Variants in RIGI observed in about 807,000 individuals in gnomAD.
The protein encoded by RIGI is antiviral innate immune response receptor RIG-I.
the RIGI span, among the ~76,000 whole-genome samples, chr9:32,477,396 G>T: frequency 1.7e-3 from 258 of 152,180 alleles, no homozygotes; most frequent in Non-Finnish European, 2.3e-3. Flanking sequence ...TATGGAAGAG[G>T]TCTCCAAGGA....
At chr9:32,516,346 C>A in the RIGI span, among the ~76,000 whole-genome samples, 1 of 152,330 alleles carries the variant, frequency 6.6e-6, no homozygotes, top group African/African-American at 2.4e-5. Flanking sequence ...CCTGGCAATA[C>A]TTGTTGTCTC....
At chr9:32,462,412 T>C in the RIGI span, among the ~76,000 whole-genome samples, 1 of 145,564 alleles carries the variant, frequency 6.9e-6, no homozygotes, top group East Asian at 2.0e-4. Context: ...AGCTTTTTTT[T>C]TTTTTTTTTT....
chr9:32,498,276 T>C, the RIGI span: 1 of 456,582 alleles, frequency 2.2e-6, no homozygotes, highest in Non-Finnish European at 4.4e-6. Context: ...CTGCCAGTTT[T>C]TGAACATGGG....
At chr9:32,488,271 T>C in the RIGI span, 1 of 1,521,104 alleles carries the variant, frequency 6.6e-7, no homozygotes. Context: ...GATGAAATGC[T>C]AGATCAGAAC....
At chr9:32,521,114 T>C in the RIGI span, among the ~76,000 whole-genome samples, 1 of 105,182 alleles carries the variant, frequency 9.5e-6, no homozygotes, top group Non-Finnish European at 1.8e-5. Flanking sequence ...CACTGTAGCC[T>C]GGGCAACAGA....
chr9:32,495,265 G>A, the RIGI span, among the ~76,000 whole-genome samples: 5 of 152,086 alleles, frequency 3.3e-5, no homozygotes, highest in East Asian at 1.9e-4. Context: ...GCAGTGGCAC[G>A]ATCTCGGCTC....
At chr9:32,480,402 T>C in the RIGI span, 2 of 1,506,308 alleles carry the variant, frequency 1.3e-6, no homozygotes, top group Non-Finnish European at 1.8e-6. Context: ...GTCTAACACA[T>C]TCACTGTATT....
At chr9:32,456,150 G>A in the RIGI span, 25 of 152,308 alleles carry the variant, frequency 1.6e-4, no homozygotes, top group Non-Finnish European at 2.8e-4. Context: ...AGGGATCTGA[G>A]AACAGACATT....
chr9:32,508,246 T>TTTTTTC, the RIGI span, among the ~76,000 whole-genome samples: 1 of 133,686 alleles, frequency 7.5e-6, no homozygotes, highest in African/African-American at 2.8e-5. Context: ...TTAATTTTTT[T>TTTTTTC]TTTTTTTTTT....
At chr9:32,469,865 A>T in the RIGI span, among the ~76,000 whole-genome samples, 1 of 148,448 alleles carries the variant, frequency 6.7e-6, no homozygotes, top group African/African-American at 2.5e-5. Context: ...GAATCACCTG[A>T]TCTCCACTCA....
chr9:32,466,176 A>C, the RIGI span: 3 of 1,084,722 alleles, frequency 2.8e-6, no homozygotes, highest in Non-Finnish European at 4.0e-6. Context: ...CTAAGTATAA[A>C]CTTTTTGTTG....
At chr9:32,470,600 C>T in the RIGI span, among the ~76,000 whole-genome samples, 397 of 152,248 alleles carry the variant, frequency 2.6e-3, 2 homozygotes, top group Middle Eastern at 0.01. Context: ...CATTAACCCT[C>T]TCAGCTAGGT....
chr9:32,486,071 C>T, the RIGI span, among the ~76,000 whole-genome samples: 1 of 152,162 alleles, frequency 6.6e-6, no homozygotes, highest in South Asian at 2.1e-4. Context: ...GTTGAAAGAA[C>T]ACACTTCATG....
chr9:32,505,088 AAT>A, the RIGI span, among the ~76,000 whole-genome samples: 5 of 145,430 alleles, frequency 3.4e-5, no homozygotes, highest in Non-Finnish European at 7.5e-5. Context: ...TTAAATATAT[AAT>A]AGATACAATA....
the RIGI span, among the ~76,000 whole-genome samples, chr9:32,490,815 CTG>C: frequency 6.6e-6 from 1 of 152,226 alleles, no homozygotes; most frequent in Non-Finnish European, 1.5e-5. Flanking sequence ...CCTCAGTGCA[CTG>C]TGTTGCAAAC....
chr9:32,474,862 A>G, the RIGI span, among the ~76,000 whole-genome samples: 1 of 152,234 alleles, frequency 6.6e-6, no homozygotes, highest in Non-Finnish European at 1.5e-5. Flanking sequence ...GAAGCCATAT[A>G]TAAATAAAGA....
chr9:32,485,300 A>G, the RIGI span: 1 of 1,485,010 alleles, frequency 6.7e-7, no homozygotes, highest in South Asian at 1.2e-5. Flanking sequence ...CAAAAAAAAA[A>G]GAAAAAGAAA....
chr9:32,493,627 A>AC, the RIGI span: 1 of 609,992 alleles, frequency 1.6e-6, no homozygotes, highest in East Asian at 3.3e-5. Flanking sequence ...CGTCTCAAAA[A>AC]AAAAAAAGTA....
chr9:32,512,199 TC>T, the RIGI span, among the ~76,000 whole-genome samples: 1 of 152,106 alleles, frequency 6.6e-6, no homozygotes, highest in Non-Finnish European at 1.5e-5. Flanking sequence ...AAAGAGGGAC[TC>T]CTCCCTAACT....
Sources: gnomAD v4.1 joint callset for allele counts (sites outside exome capture counted in the v4.1 genomes callset) on GRCh38, gnomAD v4.1.1 for gene constraint, MANE v1.5 for transcripts, NCBI Gene and HGNC (gene_info 2026-07-23, HGNC 2026-07-21) for gene names.